The following NPAS3 variants were observed in gnomAD, a reference collection of about 807,000 sequenced individuals.
NPAS3 encodes the protein neuronal PAS domain-containing protein 3.
Under a neutral mutation model 73.1 loss-of-function variants are expected in NPAS3, and 14 were observed. The ratio of observed to expected loss-of-function variants is 0.19; its 90% CI spans 0.13 to 0.30. The LOEUF is 0.30. NPAS3 is among the 10% of genes least tolerant of loss of function. NPAS3 has a pLI of 1.00. For synonymous variants in NPAS3, 620 were observed against 541.5 expected, an observed-to-expected ratio of 1.14 and a Z score of -2.01; for missense variants, 1,096 against 1,250.0, an observed-to-expected ratio of 0.88 and a Z score of 1.86.
At chr14:33,211,097 C>T (rs2047017152) in intron 2 of NPAS3, among the ~76,000 whole-genome samples, 1 of 152,094 alleles carries the variant, frequency 6.6e-6, no homozygotes, top group Non-Finnish European at 1.5e-5. Flanking sequence ...TTGTAAAGAT[C>T]TTATTTAAAA....
rs67439887 is a variant in NPAS3, at chr14:33,109,810, C to CTTTTTTTTT, written c.140+53832_140+53840dup. On this transcript the variant is annotated intron_variant, in intron 2 of 11. Transcript: ENST00000356141. Reference sequence around the variant, plus strand: ...TACCTCTTATCTGTAATTTGCATGTCTTTTTTTTTTTTTTTTTTTTTTTTG... The same window carrying CTTTTTTTTT: ...TACCTCTTATCTGTAATTTGCATGTCTTTTTTTTTTTTTTTTTTTTTTTTTTTTTTTTTG... 3.3e-4 allele frequency among the ~76,000 whole-genome samples: 29 copies of CTTTTTTTTT among 86,946 alleles called. 1 individual carries two copies. Among genetic ancestry groups the CTTTTTTTTT allele is most frequent in the East Asian group, 1.9e-3 (5 of 2,586 alleles). The allele number at this position is 86,946 out of a possible 152,430, so 57.0% of individuals were successfully genotyped here.
intron 4 of NPAS3, among the ~76,000 whole-genome samples, chr14:33,454,165 A>G (rs2049924527): frequency 6.6e-6 from 1 of 152,136 alleles, no homozygotes; most frequent in African/African-American, 2.4e-5. Flanking sequence ...CAACAGATGG[A>G]TTGTTCTATG....
intron 3 of NPAS3, among the ~76,000 whole-genome samples, chr14:33,252,479 T>A (rs1013921368): frequency 1.3e-5 from 2 of 152,058 alleles, no homozygotes; most frequent in Admixed American, 1.3e-4. Flanking sequence ...ATATATGTTA[T>A]CTTAATAATT....
intron 5 of NPAS3, among the ~76,000 whole-genome samples, chr14:33,650,647 G>A (rs78725801): frequency 6.6e-6 from 1 of 152,162 alleles, no homozygotes; most frequent in Non-Finnish European, 1.5e-5. Flanking sequence ...CCTGCACTTA[G>A]GCTGCAGAAT....
intron 2 of NPAS3, among the ~76,000 whole-genome samples, chr14:33,200,480 C>T (rs1296257005): frequency 6.6e-6 from 1 of 152,026 alleles, no homozygotes; most frequent in Non-Finnish European, 1.5e-5. Context: ...TCTTTAATGT[C>T]ACCTGGCTTT....
At chr14:33,636,015 G>C (rs1030855225) in intron 5 of NPAS3, among the ~76,000 whole-genome samples, 1 of 152,050 alleles carries the variant, frequency 6.6e-6, no homozygotes, top group East Asian at 1.9e-4. Flanking sequence ...CACGATCTCC[G>C]CCTCCCAGCG....
chr14:33,220,635 A>G (rs1010672028), intron 3 of NPAS3, among the ~76,000 whole-genome samples: 1 of 152,182 alleles, frequency 6.6e-6, no homozygotes. Flanking sequence ...TGCAGGCTAA[A>G]TGATGAGAGA....
At position 33,104,428 on chromosome 14, in the gene NPAS3, G is replaced by C. The variant is rs370195577; in HGVS notation, c.140+48434G>C. ...TCTGAGAATCCTCTTCAACTACACT[G>C]TAGTGAGTTGTAGAAATTTTATATA... On this transcript the variant is annotated intron_variant, in intron 2 of 11. Coordinates refer to ENST00000356141, the Ensembl canonical transcript of NPAS3. Among the ~76,000 whole-genome samples, 52 of 152,298 alleles carry C rather than the reference G, an allele frequency of 3.4e-4. 1 individual carries two copies. In the East Asian group the frequency reaches 9.5e-3, roughly 28 times the overall value.
intron 2 of NPAS3, among the ~76,000 whole-genome samples, chr14:33,079,147 A>G (rs1024941026): frequency 1.3e-5 from 2 of 151,990 alleles, no homozygotes; most frequent in African/African-American, 4.8e-5. Context: ...TTTTGGGGTT[A>G]TTTTCAGTAC....
At chr14:33,797,146 C>G (rs1168120032) in intron 10 of NPAS3, among the ~76,000 whole-genome samples, 1 of 152,186 alleles carries the variant, frequency 6.6e-6, no homozygotes, top group Non-Finnish European at 1.5e-5. Context: ...TCTCATCCTC[C>G]CTTCCCCCAG....
chr14:33,687,888 C>A (rs1470054394), intron 6 of NPAS3, among the ~76,000 whole-genome samples: 1 of 152,106 alleles, frequency 6.6e-6, no homozygotes, highest in Non-Finnish European at 1.5e-5. Context: ...CAATAGGAGT[C>A]AAAAAATTTT....
chr14:33,459,635 C>G (rs955884783), intron 4 of NPAS3, among the ~76,000 whole-genome samples: 1 of 152,242 alleles, frequency 6.6e-6, no homozygotes, highest in Non-Finnish European at 1.5e-5. Flanking sequence ...CTAGTAAGAT[C>G]AAAGGAGTGT....
intron 6 of NPAS3, among the ~76,000 whole-genome samples, chr14:33,704,037 A>G (rs750123523): frequency 5.9e-5 from 9 of 152,246 alleles, no homozygotes; most frequent in Non-Finnish European, 1.2e-4. Context: ...CTTTATCTGT[A>G]AAATGAATAT....
intron 2 of NPAS3, among the ~76,000 whole-genome samples, chr14:33,090,949 G>A (rs2042204296): frequency 6.6e-6 from 1 of 151,802 alleles, no homozygotes; most frequent in South Asian, 2.1e-4. Flanking sequence ...TGAAACCAAT[G>A]AGAACAAACA....
intron 4 of NPAS3, among the ~76,000 whole-genome samples, chr14:33,465,078 G>T (rs1009331263): frequency 4.0e-5 from 6 of 151,174 alleles, no homozygotes; most frequent in Admixed American, 2.6e-4. Context: ...ATTCCCAAAG[G>T]TTTTTTTTTA....
chr14:33,510,345 G>A (rs530743312), intron 4 of NPAS3, among the ~76,000 whole-genome samples: 79 of 152,102 alleles, frequency 5.2e-4, no homozygotes, highest in African/African-American at 1.8e-3. Context: ...TTTCTCACTA[G>A]CGCTTTCACA....
chr14:32,935,793 C>T (rs1474353690), upstream of NPAS3, among the ~76,000 whole-genome samples: 1 of 152,062 alleles, frequency 6.6e-6, no homozygotes, highest in Admixed American at 6.5e-5. Context: ...GCTTTAGAAC[C>T]CTGAAGTTTT....
chr14:33,228,397 G>A (rs970271675), intron 3 of NPAS3, among the ~76,000 whole-genome samples: 3 of 152,080 alleles, frequency 2.0e-5, no homozygotes, highest in Non-Finnish European at 2.9e-5. Context: ...ATATTTCATT[G>A]AGTTGATAGG....
At chr14:33,417,567 T>C (rs1017662279) in intron 4 of NPAS3, among the ~76,000 whole-genome samples, 1 of 152,098 alleles carries the variant, frequency 6.6e-6, no homozygotes, top group Admixed American at 6.6e-5. Flanking sequence ...TCATATTGAA[T>C]CTTTTCAATT....
Sources: gnomAD v4.1 joint callset for allele counts (sites outside exome capture counted in the v4.1 genomes callset) on GRCh38, gnomAD v4.1.1 for gene constraint, MANE v1.5 for transcripts, NCBI Gene and HGNC (gene_info 2026-07-23, HGNC 2026-07-21) for gene names.